ZBTB7C: variants seen among roughly 807,000 people sequenced by gnomAD.
ZBTB7C encodes the protein zinc finger and BTB domain containing 7C.
A neutral mutation model predicts 25.7 loss-of-function variants in ZBTB7C; 8 were observed. That is an observed-to-expected ratio of 0.31 (90% CI 0.18 to 0.56). ZBTB7C has a LOEUF of 0.56. Among genes scored for constraint, ZBTB7C ranks in the 20% least tolerant of loss-of-function variants. The pLI is 0.91. For missense variants in ZBTB7C, 824 were observed against 855.2 expected (o/e 0.96, Z 0.46); for synonymous variants, 394 against 369.0 (o/e 1.07, Z -0.78).
chr18:48,058,334 T>C (rs1405915681), intron 3 of ZBTB7C, among the ~76,000 whole-genome samples: 1 of 152,220 alleles, frequency 6.6e-6, no homozygotes, highest in Non-Finnish European at 1.5e-5. Flanking sequence ...CTTTTGATGA[T>C]GCCCTTTGTG....
intron 2 of ZBTB7C, among the ~76,000 whole-genome samples, chr18:48,266,357 C>T (rs565457493): frequency 1.1e-4 from 17 of 152,098 alleles, no homozygotes; most frequent in East Asian, 5.8e-4. Context: ...GCCTTTAACC[C>T]CAGTCTCTTC....
chr18:48,027,757 C>G lies in ZBTB7C; in HGVS notation c.*1503G>C, dbSNP rs796423477. The G allele has an allele frequency of 1.6e-4, 25 of 152,356 alleles. No homozygotes were observed. The highest frequency in any genetic ancestry group is 5.8e-4 in the African/African-American group (24 of 41,578). The allele number at this position is 152,356 out of a possible 1,614,324, so 9.4% of individuals were successfully genotyped here. ...TGGGGACTCCAGCCCTGGGCTCTCC[C>G]TGGGGACGAACCCTCCTCCTCTCTG... On this transcript the variant is annotated 3_prime_UTR_variant, in exon 5 of 5. Coordinates refer to ENST00000590800, the MANE Select transcript of ZBTB7C (RefSeq NM_001318841.2).
intron 1 of ZBTB7C, among the ~76,000 whole-genome samples, chr18:48,345,636 C>T: frequency 6.6e-6 from 1 of 152,196 alleles, no homozygotes; most frequent in Non-Finnish European, 1.5e-5. Context: ...CTTCAGCATG[C>T]TCCTTGGCAG....
chr18:48,341,211 T>A (rs762275451), intron 1 of ZBTB7C, among the ~76,000 whole-genome samples: 2 of 152,210 alleles, frequency 1.3e-5, no homozygotes, highest in Non-Finnish European at 2.9e-5. Context: ...AAAGACAATA[T>A]CTGTTCAGCC....
intron 1 of ZBTB7C, among the ~76,000 whole-genome samples, chr18:48,405,945 G>A (rs894067564): frequency 3.5e-4 from 53 of 152,208 alleles, no homozygotes; most frequent in Non-Finnish European, 7.1e-4. Flanking sequence ...GTAGGATGCC[G>A]CACACAGGCT....
intron 1 of ZBTB7C, among the ~76,000 whole-genome samples, chr18:48,387,563 A>G (rs1215088947): frequency 1.3e-5 from 2 of 152,194 alleles, no homozygotes; most frequent in Non-Finnish European, 2.9e-5. Context: ...TGCAAAACAG[A>G]TGAATTTGAC....
At chr18:48,068,927 G>A (rs577160309) in intron 3 of ZBTB7C, among the ~76,000 whole-genome samples, 6 of 152,338 alleles carry the variant, frequency 3.9e-5, no homozygotes, top group African/African-American at 1.4e-4. Flanking sequence ...ATCGTAGTGG[G>A]AGAAACCAGC....
At chr18:48,274,358 T>C (rs941281026) in intron 2 of ZBTB7C, among the ~76,000 whole-genome samples, 2 of 152,170 alleles carry the variant, frequency 1.3e-5, no homozygotes, top group African/African-American at 2.4e-5. Flanking sequence ...TGTTTTTTTA[T>C]GGGGACAGCA....
intron 3 of ZBTB7C, among the ~76,000 whole-genome samples, chr18:48,080,903 G>A (rs1257909580): frequency 6.6e-6 from 1 of 152,168 alleles, no homozygotes; most frequent in Non-Finnish European, 1.5e-5. Context: ...GCAAGCCCAC[G>A]TGCTTCCTGC....
chr18:48,058,764 T>C (rs1261827401), intron 3 of ZBTB7C, among the ~76,000 whole-genome samples: 1 of 152,238 alleles, frequency 6.6e-6, no homozygotes. Context: ...ATGGCGAGGC[T>C]ATAAGAGATA....
chr18:48,267,681 C>T (rs1345104648), intron 2 of ZBTB7C, among the ~76,000 whole-genome samples: 2 of 152,102 alleles, frequency 1.3e-5, no homozygotes, highest in Non-Finnish European at 2.9e-5. Context: ...GGTGGTGGAG[C>T]CTTTGGGAGG....
intron 1 of ZBTB7C, among the ~76,000 whole-genome samples, chr18:48,338,921 G>GA (rs1313556202): frequency 6.6e-6 from 1 of 151,882 alleles, no homozygotes; most frequent in Non-Finnish European, 1.5e-5. Context: ...TGGGGGGGGG[G>GA]GGTCCAGGTA....
intron 3 of ZBTB7C, among the ~76,000 whole-genome samples, chr18:48,164,020 T>C (rs938621032): frequency 2.6e-5 from 4 of 152,210 alleles, no homozygotes; most frequent in Admixed American, 1.3e-4. Flanking sequence ...CAGTGGGCTC[T>C]GAGTACTAAT....
At chr18:48,043,310 C>T (rs113086516) in intron 3 of ZBTB7C, among the ~76,000 whole-genome samples, 8 of 152,114 alleles carry the variant, frequency 5.3e-5, no homozygotes, top group Non-Finnish European at 1.0e-4. Context: ...ACTTTGTGCA[C>T]GATAGTGAGT....
chr18:48,185,928 A>C lies in ZBTB7C; in HGVS notation c.-17+6T>G, dbSNP rs1180590951. ...ACAGAACTAAAAAAGCAAAATTCAT[A>C]CTCACAAGCACCGATGCCTTAGTTT... On this transcript the variant is annotated splice_donor_region_variant and intron_variant, in intron 3 of 4. Coordinates refer to ENST00000590800, the MANE Select transcript of ZBTB7C (RefSeq NM_001318841.2). 1.3e-5 allele frequency: 2 copies of C among 152,182 alleles called. No individual in the cohort carries two copies. The highest frequency in any genetic ancestry group is 4.8e-5 in the African/African-American group (2 of 41,446). The allele number at this position is 152,182 out of a possible 1,614,324, so 9.4% of individuals were successfully genotyped here.
chr18:48,030,052 C>G, intron 4 of ZBTB7C, 141 bp from the exon 5 acceptor site: 2 of 1,064,374 alleles, frequency 1.9e-6, no homozygotes, highest in Non-Finnish European at 2.7e-6. Flanking sequence ...CATGCTAGAT[C>G]TACCCTCAAC....
intron 3 of ZBTB7C, among the ~76,000 whole-genome samples, chr18:48,181,898 G>A (rs1047616644): frequency 6.6e-6 from 1 of 152,162 alleles, no homozygotes; most frequent in Non-Finnish European, 1.5e-5. Flanking sequence ...TTCTGTTTTA[G>A]GGTTTACGCT....
intron 3 of ZBTB7C, among the ~76,000 whole-genome samples, chr18:48,064,424 T>A (rs142770156): frequency 1.3e-5 from 2 of 152,344 alleles, no homozygotes; most frequent in East Asian, 3.9e-4. Context: ...GGGCCCACCA[T>A]CTGTGCCTGT....
chr18:48,199,220 C>T (rs1234629433), intron 2 of ZBTB7C, among the ~76,000 whole-genome samples: 1 of 152,190 alleles, frequency 6.6e-6, no homozygotes, highest in Non-Finnish European at 1.5e-5. Context: ...TGGGTCTGTG[C>T]CATTCATTCT....
Sources: gnomAD v4.1 joint callset for allele counts (sites outside exome capture counted in the v4.1 genomes callset) on GRCh38, gnomAD v4.1.1 for gene constraint, MANE v1.5 for transcripts, NCBI Gene and HGNC (gene_info 2026-07-23, HGNC 2026-07-21) for gene names.